The following TUBGCP5 variants were observed in gnomAD, a reference collection of about 807,000 sequenced individuals.
TUBGCP5 encodes gamma-tubulin complex component 5.
Under a neutral mutation model 134.7 loss-of-function variants are expected in TUBGCP5, and 98 were observed. The observed-to-expected ratio is 0.73, with a 90% CI of 0.62 to 0.86. The LOEUF (loss-of-function observed/expected upper bound fraction) is 0.86, where lower values mean the gene tolerates loss of function less well. TUBGCP5 is among the 40% of genes least tolerant of loss of function. The probability of loss-of-function intolerance (pLI) is 0.00; values close to 1 mark genes in which losing one functional copy is unlikely to be tolerated. For missense variants in TUBGCP5, 1,150 were observed against 1,244.8 expected (o/e 0.92, Z 1.15); for synonymous variants, 456 against 431.4 (o/e 1.06, Z -0.71).
intron 6 of TUBGCP5, among the ~76,000 whole-genome samples, chr15:23,028,042 A>G (rs193105130): frequency 2.0e-5 from 3 of 152,242 alleles, no homozygotes; most frequent in Non-Finnish European, 4.4e-5. Flanking sequence ...ACATTTTATG[A>G]GGCTAATGTA....
intron 16 of TUBGCP5, among the ~76,000 whole-genome samples, chr15:23,007,322 G>A (rs562511180): frequency 3.2e-4 from 48 of 152,226 alleles, no homozygotes; most frequent in Non-Finnish European, 5.6e-4. Context: ...CCCGGGAGGC[G>A]GAGCTTGCAG....
Position 23,039,481 on chromosome 15 carries a change from C to G in TUBGCP5, c.63G>C (p.Glu21Asp), listed in dbSNP as rs746757405. 1.3e-6 allele frequency: 2 copies of G among 1,529,548 alleles called. No homozygotes were observed. The highest frequency in any genetic ancestry group is 1.8e-6 in the Non-Finnish European group (2 of 1,134,510). The allele number at this position is 1,529,548 out of a possible 1,614,324, so 94.7% of individuals were successfully genotyped here. Residue 21 changes from glutamate to aspartate, a missense_variant, in exon 1 of 23, where the codon GAG becomes GAC. Physicochemically the swap from Glu to Asp is conservative, Grantham distance 45 (BLOSUM62 2). Transcript: ENST00000615383. ...GGAGGCCGGCGACACCCCGGACGAG[C>G]TCCCGCACGTCGCGCTCCTGCTGCG... ...LDAQQERDVR[E>D]LVRGVAGLQD... is the part of the protein sequence containing the mutation.
At chr15:23,012,305 A>C (rs971878472) in intron 13 of TUBGCP5, among the ~76,000 whole-genome samples, 1 of 152,136 alleles carries the variant, frequency 6.6e-6, no homozygotes, top group Admixed American at 6.5e-5. Flanking sequence ...TATTGCATCT[A>C]CTTATTTCAA....
chr15:23,030,892 A>T lies in TUBGCP5; in HGVS notation c.615T>A (p.Ser205Arg), dbSNP rs764016010. The T allele has an allele frequency of 6.2e-7, 1 of 1,610,584 alleles. No individual in the cohort carries two copies. Among genetic ancestry groups the T allele is most frequent in the Non-Finnish European group, 8.5e-7 (1 of 1,179,296 alleles). ...DQNRKLDPCISWKDEPDDRSW... is the reference protein window; with the variant it reads ...DQNRKLDPCIRWKDEPDDRSW... ...CCTCATAACACATAATACCTTTCCA[A>T]CTGATACAAGGATCCAGTTTTCTGT... The change falls in exon 6 of 23, where the codon AGT becomes AGA. Residue 205 changes from serine to arginine, a missense_variant. Physicochemically the swap from Ser to Arg is moderately radical, Grantham distance 110. Around this residue, in one of 2 missense-constraint regions of TUBGCP5, gnomAD observed 453 missense variants for 394.7 expected, o/e 1.15. Transcript: ENST00000615383.
intron 23 of TUBGCP5, among the ~76,000 whole-genome samples, chr15:22,990,206 C>T (rs1323804879): frequency 6.6e-6 from 1 of 151,970 alleles, no homozygotes; most frequent in Non-Finnish European, 1.5e-5. Flanking sequence ...TGAGATGGCC[C>T]CATATCCATC....
chr15:22,983,185 G>A (rs190010853), downstream of TUBGCP5: 9 of 152,258 alleles, frequency 5.9e-5, no homozygotes, highest in East Asian at 1.9e-4. Context: ...ATGTTCAGAC[G>A]CTTTGTACTG....
At chr15:22,988,578 CAAA>C (rs545516684) in intron 23 of TUBGCP5, among the ~76,000 whole-genome samples, 5 of 150,090 alleles carry the variant, frequency 3.3e-5, no homozygotes, top group Non-Finnish European at 7.4e-5. Context: ...CTAGAAAATA[CAAA>C]AAAAATTAGC....
intron 15 of TUBGCP5, 26 bp from the exon 16 acceptor site, chr15:23,008,907 C>T: frequency 4.0e-6 from 6 of 1,516,224 alleles, no homozygotes; most frequent in Non-Finnish European, 4.4e-6. Context: ...ATGAGTGACA[C>T]TAAGATCTCT....
At chr15:22,986,737 CAA>C (rs35935898) in intron 23 of TUBGCP5, among the ~76,000 whole-genome samples, 4 of 126,574 alleles carry the variant, frequency 3.2e-5, no homozygotes, top group African/African-American at 3.0e-5. Flanking sequence ...GACTCTGTCT[CAA>C]AAAAAAAAAA....
At chr15:22,985,269 A>T (rs912672371) in intron 23 of TUBGCP5, among the ~76,000 whole-genome samples, 1 of 151,916 alleles carries the variant, frequency 6.6e-6, no homozygotes, top group Non-Finnish European at 1.5e-5. Flanking sequence ...CCCAGGCTGG[A>T]GTACAATGGC....
intron 23 of TUBGCP5, among the ~76,000 whole-genome samples, chr15:22,990,736 G>A (rs2063821386): frequency 6.6e-6 from 1 of 152,170 alleles, no homozygotes; most frequent in Admixed American, 6.5e-5. Flanking sequence ...TGAAGAAAAA[G>A]AGTCTTAGCA....
intron 23 of TUBGCP5, among the ~76,000 whole-genome samples, chr15:22,984,107 A>G (rs75779169): frequency 0.028 from 4,311 of 152,250 alleles, 238 homozygotes; most frequent in African/African-American, 0.099. Flanking sequence ...GCGACAGAGC[A>G]TGACCCTGTC....
At chr15:23,005,149 C>A (rs1415145726) in intron 19 of TUBGCP5, among the ~76,000 whole-genome samples, 1 of 152,126 alleles carries the variant, frequency 6.6e-6, no homozygotes, top group African/African-American at 2.4e-5. Context: ...ACCTAAAGGA[C>A]TATGCGGCAC....
chr15:23,019,144 G>T, intron 12 of TUBGCP5, 75 bp downstream of exon 12: 2 of 1,078,964 alleles, frequency 1.9e-6, no homozygotes, highest in South Asian at 1.4e-5. Flanking sequence ...TGAAACTAAC[G>T]AAAGCATTTG....
chr15:23,027,293 G>C lies in TUBGCP5; in HGVS notation c.636C>G (p.Asp212Glu). ...PCISWKDEPD[D>E]RSWLEHHVVH... ...CCACATGATGTTCCAGCCAGCTTCG[G>C]TCATCTGGCTCATCTGCTTGAAAGA... Residue 212 changes from aspartate (D) to glutamate (E), a missense_variant, in exon 7 of 23, where the codon GAC (aspartate) becomes GAG (glutamate). Asp to Glu is a conservative substitution (Grantham distance 45). This residue lies in a region of TUBGCP5 where 453 missense variants were observed against 394.7 expected (regional missense o/e 1.15). Transcript: ENST00000615383. 1 of 1,613,604 alleles carries C rather than the reference G, an allele frequency of 6.2e-7. No individual in the cohort carries two copies. The highest frequency in any genetic ancestry group is 8.5e-7 in the Non-Finnish European group (1 of 1,179,790).
chr15:23,031,837 T>A, intron 5 of TUBGCP5, 113 bp downstream of exon 5: 1 of 661,734 alleles, frequency 1.5e-6, no homozygotes, highest in Non-Finnish European at 2.5e-6. Context: ...TCTAGCTTAG[T>A]GAAGAGTGTT....
At chr15:23,024,679 A>G (rs2065891049) in intron 9 of TUBGCP5, 58 bp downstream of exon 9, 2 of 919,698 alleles carry the variant, frequency 2.2e-6, no homozygotes, top group African/African-American at 1.7e-5. Flanking sequence ...TTCTAAAATT[A>G]TATTACTAGT....
intron 13 of TUBGCP5, 39 bp downstream of exon 13, chr15:23,017,734 C>A: frequency 3.2e-6 from 5 of 1,585,488 alleles, no homozygotes; most frequent in Non-Finnish European, 4.3e-6. Context: ...GGTCAGGTGT[C>A]CCAACACCAA....
intron 10 of TUBGCP5, 146 bp downstream of exon 10, chr15:23,023,801 A>G (rs1156404672): frequency 1.3e-6 from 1 of 749,986 alleles, no homozygotes; most frequent in Non-Finnish European, 2.0e-6. Context: ...GCTTAAAAAT[A>G]TAAATTTAAA....
Sources: gnomAD v4.1 joint callset for allele counts (sites outside exome capture counted in the v4.1 genomes callset) on GRCh38, gnomAD v4.1.1 for gene constraint, gnomAD v4.1.1 regional missense constraint, MANE v1.5 for transcripts, NCBI Gene and HGNC (gene_info 2026-07-23, HGNC 2026-07-21) for gene names.